The following HERC2 variants were observed in gnomAD, a reference collection of about 807,000 sequenced individuals.
The protein encoded by HERC2 is HECT and RLD domain containing E3 ubiquitin protein ligase 2.
HERC2 carries 102 observed loss-of-function variants against 537.7 expected under a neutral mutation model. That is an observed-to-expected ratio of 0.19 (90% CI 0.16 to 0.22). HERC2 has a LOEUF of 0.22. HERC2 is among the 10% of genes least tolerant of loss of function. HERC2 has a pLI of 1.00. For missense variants in HERC2, 4,236 were observed against 6,198.2 expected, an observed-to-expected ratio of 0.68 and a Z score of 10.63; for synonymous variants, 2,224 against 2,466.2, an observed-to-expected ratio of 0.90 and a Z score of 2.91.
chr15:28,172,786 C>A (rs1326700371), intron 65 of HERC2, among the ~76,000 whole-genome samples: 1 of 152,158 alleles, frequency 6.6e-6, no homozygotes, highest in Non-Finnish European at 1.5e-5. Flanking sequence ...TTAAAAACTT[C>A]TAATCTTTAA....
At chr15:28,315,079 A>G (rs1195684909) in intron 2 of HERC2, among the ~76,000 whole-genome samples, 2 of 152,232 alleles carry the variant, frequency 1.3e-5, no homozygotes, top group Non-Finnish European at 2.9e-5. Flanking sequence ...CTTCTCAATG[A>G]GCTGCAAATA....
intron 2 of HERC2, among the ~76,000 whole-genome samples, chr15:28,316,801 G>A (rs1374313487): frequency 4.6e-5 from 7 of 151,810 alleles, no homozygotes; most frequent in African/African-American, 1.7e-4. Flanking sequence ...TTTTTGAGAC[G>A]GATTCTCGCT....
chr15:28,304,784 T>C (rs1396737870), intron 2 of HERC2, among the ~76,000 whole-genome samples: 1 of 138,710 alleles, frequency 7.2e-6, no homozygotes, highest in African/African-American at 2.7e-5. Context: ...TATGTATACA[T>C]GTGCCATGCT....
intron 37 of HERC2, among the ~76,000 whole-genome samples, chr15:28,218,945 C>T (rs899665107): frequency 9.2e-5 from 14 of 152,108 alleles, no homozygotes; most frequent in African/African-American, 3.4e-4. Flanking sequence ...CCTCCCACCT[C>T]GACCTCCCAA....
intron 35 of HERC2, among the ~76,000 whole-genome samples, chr15:28,226,049 T>C (rs972252191): frequency 3.9e-5 from 6 of 152,162 alleles, no homozygotes; most frequent in African/African-American, 1.4e-4. Flanking sequence ...AAACAGAATA[T>C]ATGGGAACAC....
At chr15:28,214,031 C>T (rs1188135518) in intron 41 of HERC2, 45 bp downstream of exon 41, 8 of 1,610,810 alleles carry the variant, frequency 5.0e-6, no homozygotes, top group East Asian at 4.5e-5. Context: ...CCAATCCCTA[C>T]AGGTTCACCG....
chr15:28,319,584 CAAAA>C (rs1168038967), intron 2 of HERC2, among the ~76,000 whole-genome samples: 21 of 58,260 alleles, frequency 3.6e-4, no homozygotes, highest in South Asian at 1.3e-3. Flanking sequence ...GACTGCGTCT[CAAAA>C]AAAAAAAAAA....
At position 28,238,194 on chromosome 15, in the gene HERC2, C is replaced by T. The variant is rs763556706; in HGVS notation, c.3772G>A (p.Val1258Met). Residue 1258 changes from valine to methionine, a missense_variant, in exon 25 of 93, where the codon GTG becomes ATG. By Grantham distance (21) the Val-to-Met change is conservative. Around this residue, in one of 27 missense-constraint regions of HERC2, gnomAD observed 754 missense variants for 1,085.0 expected, o/e 0.69. Transcript: ENST00000261609. ...ILAQFAGEDPVVALEAALQFE... is the reference protein window; with the variant it reads ...ILAQFAGEDPMVALEAALQFE... ...TGCAAAGCAGCTTCCAAAGCTACCA[C>T]TGGGTCTTCCCCTGCAAACTGAGCT... The T allele has an allele frequency of 1.0e-5, 16 of 1,608,008 alleles. No homozygotes were observed. Among genetic ancestry groups the T allele is most frequent in the Non-Finnish European group, 1.4e-5 (16 of 1,176,358 alleles).
rs559280517 is a variant in HERC2 at position 28,214,337 on chromosome 15, G to A, written c.6359-65C>T. Reference sequence around the variant, plus strand: ...TCACCAGGGCACAGGGAAAGGAGACGGCTACCCACCTCTAAGTGACGGCAC... The same window carrying A: ...TCACCAGGGCACAGGGAAAGGAGACAGCTACCCACCTCTAAGTGACGGCAC... On this transcript the variant is annotated intron_variant, in intron 40 of 92. Coordinates refer to ENST00000261609, the MANE Select transcript of HERC2 (RefSeq NM_004667.6). The A allele has an allele frequency of 1.2e-4, 173 of 1,386,198 alleles. No individual in the cohort carries two copies. In the Middle Eastern group the frequency reaches 1.5e-3, roughly 12 times the overall value. 85.9% of individuals were successfully genotyped at this position (1,386,198 alleles called of 1,614,324 possible).
chr15:28,223,281 G>A (rs1269768987), intron 35 of HERC2, among the ~76,000 whole-genome samples: 3 of 152,166 alleles, frequency 2.0e-5, no homozygotes, highest in Non-Finnish European at 4.4e-5. Flanking sequence ...CTGAGAGGGG[G>A]TAGGAGTGTG....
At chr15:28,140,143 A>C (rs1257375942) in intron 78 of HERC2, among the ~76,000 whole-genome samples, 1 of 152,000 alleles carries the variant, frequency 6.6e-6, no homozygotes, top group African/African-American at 2.4e-5. Context: ...TTGAACAAAA[A>C]TCAGTGTCCA....
chr15:28,321,472 T>G lies in HERC2; in HGVS notation c.-31-8A>C, dbSNP rs1323887632. ...TCCTCCCAGGTCTCAGGCCTGCAAG[T>G]AAACACATACGCTGAAGACCTAACG... On this transcript the variant is annotated splice_polypyrimidine_tract_variant and splice_region_variant and intron_variant, in intron 1 of 92. Transcript: ENST00000261609. 3 of 1,048,998 alleles carry G rather than the reference T, an allele frequency of 2.9e-6. No individual in the cohort carries two copies. Among genetic ancestry groups the G allele is most frequent in the Non-Finnish European group, 4.4e-6 (3 of 687,976 alleles). The allele number at this position is 1,048,998 out of a possible 1,614,324, so 65.0% of individuals were successfully genotyped here.
At chr15:28,190,739 CAA>C (rs1896780580) in intron 55 of HERC2, 1 of 573,020 alleles carries the variant, frequency 1.7e-6, no homozygotes, top group Non-Finnish European at 3.1e-6. Flanking sequence ...CCTCTGCTAC[CAA>C]AGAGAGTGAG....
chr15:28,223,704 GT>G (rs1426307830), intron 35 of HERC2, among the ~76,000 whole-genome samples: 1 of 152,194 alleles, frequency 6.6e-6, no homozygotes, highest in Non-Finnish European at 1.5e-5. Flanking sequence ...GCTGTTACAT[GT>G]GGATGTATAC....
chr15:28,144,627 C>A (rs1566939772), intron 72 of HERC2, 46 bp downstream of exon 72: 20 of 1,613,364 alleles, frequency 1.2e-5, no homozygotes, highest in Non-Finnish European at 1.7e-5. Flanking sequence ...CAGAAACAAT[C>A]CACAGCCAGT....
At chr15:28,134,953 G>A (rs1348051671) in intron 79 of HERC2, among the ~76,000 whole-genome samples, 2 of 152,008 alleles carry the variant, frequency 1.3e-5, no homozygotes, top group African/African-American at 4.8e-5. Context: ...GATTACAGGC[G>A]TGAGCCACCA....
chr15:28,203,397 T>C (rs1233689299), intron 45 of HERC2: 1 of 151,382 alleles, frequency 6.6e-6, no homozygotes, highest in Admixed American at 6.6e-5. Flanking sequence ...TGCAGCGAAG[T>C]CTGGGTAACT....
chr15:28,185,623 C>A (rs903528508), intron 56 of HERC2, among the ~76,000 whole-genome samples: 2 of 152,194 alleles, frequency 1.3e-5, no homozygotes, highest in Non-Finnish European at 2.9e-5. Flanking sequence ...GGGAAATGCA[C>A]AAGCATGCAA....
intron 2 of HERC2, among the ~76,000 whole-genome samples, chr15:28,309,769 T>C (rs1229798885): frequency 6.6e-6 from 1 of 152,090 alleles, no homozygotes; most frequent in East Asian, 1.9e-4. Context: ...CCACAGAAAC[T>C]GTGAGAGTGT....
Sources: gnomAD v4.1 joint callset for allele counts (sites outside exome capture counted in the v4.1 genomes callset) on GRCh38, gnomAD v4.1.1 for gene constraint, gnomAD v4.1.1 regional missense constraint, MANE v1.5 for transcripts, NCBI Gene and HGNC (gene_info 2026-07-23, HGNC 2026-07-21) for gene names.